Variants in SLIT2 observed in about 807,000 individuals in gnomAD.
SLIT2 encodes slit guidance ligand 2.
In SLIT2, 41 loss-of-function variants were observed where a neutral mutation model predicts 185.7. The ratio of observed to expected loss-of-function variants is 0.22; its 90% CI spans 0.17 to 0.29. SLIT2 has a LOEUF of 0.29. SLIT2 is among the 10% of genes least tolerant of loss of function. The pLI, the probability that SLIT2 is intolerant of heterozygous loss-of-function variation, is 1.00. For missense variants in SLIT2, 1,571 were observed against 1,909.0 expected (o/e 0.82, Z 3.30); for synonymous variants, 693 against 680.2 (o/e 1.02, Z -0.29).
intron 4 of SLIT2, among the ~76,000 whole-genome samples, chr4:20,373,681 A>G (rs1246382652): frequency 6.6e-6 from 1 of 152,106 alleles, no homozygotes; most frequent in African/African-American, 2.4e-5. Flanking sequence ...TTGAGGTGCC[A>G]AACTCACTTC....
intron 30 of SLIT2, among the ~76,000 whole-genome samples, 159 bp downstream of exon 30, chr4:20,589,896 T>C (rs892114518): frequency 1.4e-5 from 2 of 147,674 alleles, no homozygotes; most frequent in African/African-American, 5.0e-5. Context: ...ATATACAATA[T>C]GGACTTTTTT....
chr4:20,438,279 C>G (rs937706425), intron 4 of SLIT2, among the ~76,000 whole-genome samples: 16 of 152,176 alleles, frequency 1.1e-4, no homozygotes, highest in African/African-American at 3.9e-4. Context: ...ATATCCAACA[C>G]TGGGCAATTT....
rs558587278 is a variant in SLIT2 at position 20,502,078 on chromosome 4, A to C, written c.915-8417A>C. ...ACTCACACACACACAAATGTTGTAC[A>C]TGTGTTTTTGTTAAATCGTGTGATA... On this transcript the variant is annotated intron_variant, in intron 9 of 36. Coordinates refer to ENST00000504154, the MANE Select transcript of SLIT2 (RefSeq NM_004787.4). 1.5e-3 allele frequency among the ~76,000 whole-genome samples: 234 copies of C among 152,352 alleles called. 1 individual carries two copies. Among genetic ancestry groups the C allele is most frequent in the African/African-American group, 5.2e-3 (217 of 41,594 alleles).
At chr4:20,593,568 C>G (rs1430019188) in intron 30 of SLIT2, among the ~76,000 whole-genome samples, 1 of 151,994 alleles carries the variant, frequency 6.6e-6, no homozygotes, top group African/African-American at 2.4e-5. Context: ...AGCATGGTCA[C>G]TATAGTTCAT....
At chr4:20,354,904 TGTGAGA>T (rs1376026238) in intron 4 of SLIT2, among the ~76,000 whole-genome samples, 4,395 of 63,028 alleles carry the variant, frequency 0.07, 105 homozygotes, top group Admixed American at 0.13. Context: ...TGTGTGTGTG[TGTGAGA>T]GAGAGAGAGA....
intron 26 of SLIT2, among the ~76,000 whole-genome samples, chr4:20,561,905 T>C (rs1181144789): frequency 2.0e-5 from 3 of 151,824 alleles, no homozygotes; most frequent in Non-Finnish European, 4.4e-5. Flanking sequence ...CAATTAATGC[T>C]CTGTTCTTAT....
chr4:20,519,321 T>C, intron 11 of SLIT2, 61 bp from the exon 12 acceptor site: 1 of 817,116 alleles, frequency 1.2e-6, no homozygotes, highest in South Asian at 1.4e-5. Context: ...AAATATGTAT[T>C]AGATGAATTT....
intron 4 of SLIT2, among the ~76,000 whole-genome samples, chr4:20,316,412 C>A (rs1021151232): frequency 3.3e-5 from 5 of 151,856 alleles, no homozygotes; most frequent in Middle Eastern, 3.2e-3. Flanking sequence ...AAAATTATAG[C>A]CAAGACATAG....
intron 4 of SLIT2, among the ~76,000 whole-genome samples, chr4:20,431,971 TTGTGTGTGTG>T (rs142488449): frequency 1.3e-5 from 2 of 151,012 alleles, no homozygotes; most frequent in African/African-American, 4.9e-5. Flanking sequence ...CTGTGTGTGT[TTGTGTGTGTG>T]TGTGTAAATC....
At chr4:20,256,169 T>C (rs1056868497) in intron 1 of SLIT2, among the ~76,000 whole-genome samples, 5 of 152,190 alleles carry the variant, frequency 3.3e-5, no homozygotes, top group African/African-American at 1.2e-4. Context: ...TGAAGTGCAG[T>C]TGTTTTGATG....
chr4:20,585,298 A>G lies in SLIT2; in HGVS notation c.3089-4346A>G, dbSNP rs143027843. Reference sequence around the variant, plus strand: ...TCGCCAAAACATACACAACCAACATATATACGTACACTCAGAATGCTTCAA... The same window carrying G: ...TCGCCAAAACATACACAACCAACATGTATACGTACACTCAGAATGCTTCAA... On this transcript the variant is annotated intron_variant, in intron 29 of 36. Transcript: ENST00000504154. Among the ~76,000 whole-genome samples, 3 of 152,322 alleles carry G rather than the reference A, an allele frequency of 2.0e-5. No individual in the cohort carries two copies. In the East Asian group the frequency reaches 5.8e-4, roughly 29 times the overall value.
Position 20,474,273 on chromosome 4 carries a change from A to G in SLIT2, c.468-6443A>G, listed in dbSNP as rs150792134. 2.5e-3 allele frequency among the ~76,000 whole-genome samples: 373 copies of G among 152,178 alleles called. 1 individual carries two copies. The highest frequency in any genetic ancestry group is 8.5e-3 in the African/African-American group (352 of 41,554). ...TCTCAGGCATTCATATATATAAAAA[A>G]ATTAGTAGCTCAGCAGATGTCCCCA... On this transcript the variant is annotated intron_variant, in intron 5 of 36. Coordinates refer to ENST00000504154, the MANE Select transcript of SLIT2 (RefSeq NM_004787.4).
intron 3 of SLIT2, among the ~76,000 whole-genome samples, chr4:20,261,809 G>A (rs1329484488): frequency 6.6e-6 from 1 of 151,736 alleles, no homozygotes. Context: ...TGTGAACACC[G>A]CAACCATCTT....
intron 4 of SLIT2, among the ~76,000 whole-genome samples, chr4:20,395,422 TG>T: frequency 6.6e-6 from 1 of 152,144 alleles, no homozygotes; most frequent in East Asian, 1.9e-4. Flanking sequence ...ATTGAGGGCA[TG>T]GAACAAAGGA....
chr4:20,442,014 AT>A (rs1211308553), intron 4 of SLIT2, among the ~76,000 whole-genome samples: 1 of 152,218 alleles, frequency 6.6e-6, no homozygotes, highest in Non-Finnish European at 1.5e-5. Context: ...GTATGAATAG[AT>A]TGCTGTGTGA....
In SLIT2 at chr4:20,484,951, C is replaced by T. The variant is rs76831984; in HGVS notation, c.540-1249C>T. Among the ~76,000 whole-genome samples, 1,868 of 152,210 alleles carry T rather than the reference C, an allele frequency of 0.012. 43 individuals carry two copies. The highest frequency in any genetic ancestry group is 0.043 in the African/African-American group (1,771 of 41,536). ...GTATATTTTTGCACGTGGCCTGCTT[C>T]GCTCATTTCTGTTCTCTGCTCAGGC... On this transcript the variant is annotated intron_variant, in intron 6 of 36. Coordinates refer to ENST00000504154, the MANE Select transcript of SLIT2 (RefSeq NM_004787.4). The surrounding 1 kb of genome is among the most constrained non-coding windows in gnomAD (Gnocchi z 4.3).
At chr4:20,332,875 T>C (rs1720188342) in intron 4 of SLIT2, among the ~76,000 whole-genome samples, 1 of 152,076 alleles carries the variant, frequency 6.6e-6, no homozygotes, top group Non-Finnish European at 1.5e-5. Context: ...GTGGCATAAG[T>C]TTTTATGAGA....
intron 30 of SLIT2, 35 bp downstream of exon 30, chr4:20,589,772 G>C (rs765127814): frequency 6.7e-7 from 1 of 1,499,750 alleles, no homozygotes; most frequent in South Asian, 1.2e-5. Flanking sequence ...TCACAGTCAG[G>C]GTAGGGGACC....
At chr4:20,262,816 G>C (rs761684927) in intron 3 of SLIT2, among the ~76,000 whole-genome samples, 17 of 151,904 alleles carry the variant, frequency 1.1e-4, no homozygotes, top group Non-Finnish European at 2.1e-4. Flanking sequence ...CCTGTGCGCT[G>C]TTACAAGTTT....
Sources: gnomAD v4.1 joint callset for allele counts (sites outside exome capture counted in the v4.1 genomes callset) on GRCh38, gnomAD v4.1.1 for gene constraint, Gnocchi (gnomAD v3.1) non-coding constraint, MANE v1.5 for transcripts, NCBI Gene and HGNC (gene_info 2026-07-23, HGNC 2026-07-21) for gene names.